The following CBX6 variants were observed in gnomAD, a reference collection of about 807,000 sequenced individuals.
The protein encoded by CBX6 is chromobox 6.
CBX6 carries 7 observed loss-of-function variants against 28.4 expected under a neutral mutation model. The ratio of observed to expected loss-of-function variants is 0.25; its 90% confidence interval spans 0.14 to 0.46. The LOEUF is 0.46. Ranked by LOEUF, CBX6 falls within the 20% of genes least tolerant of loss-of-function variation. The probability of loss-of-function intolerance (pLI) is 0.99; values close to 1 mark genes in which losing one functional copy is unlikely to be tolerated. For synonymous variants in CBX6, 297 were observed against 273.4 expected (o/e 1.09, Z -0.85); for missense variants, 512 against 606.1 (o/e 0.84, Z 1.63).
Position 38,872,159 on chromosome 22 carries a change from A to G in CBX6, c.32T>C (p.Phe11Ser). 1 of 1,423,878 alleles carries G rather than the reference A, an allele frequency of 7.0e-7. No homozygotes were observed. The highest frequency in any genetic ancestry group is 9.3e-7 in the Non-Finnish European group (1 of 1,072,964). The allele number at this position is 1,423,878 out of a possible 1,614,324, so 88.2% of individuals were successfully genotyped here. MELSAVGERV[F>S]AAESIIKRRI... The stretch of plus-strand genomic sequence containing the variant: ...CCGTTTGATGATGGATTCGGCCGCG[A>G]AGACCCGCTCGCCCACTGCAGACAG... Residue 11 changes from phenylalanine to serine, a missense_variant, in exon 1 of 5, where the codon TTC (phenylalanine) becomes TCC (serine). Transcript: ENST00000407418. The surrounding 1 kb of genome is among the most constrained non-coding windows in gnomAD (Gnocchi z 5.0).
Position 38,870,897 on chromosome 22 carries a change from G to A in CBX6, c.246+583C>T, listed in dbSNP as rs902670979. ...CCCCAGAAATGGCCGGGAGTGGGGGGAAACTGAGGCTCAGAGCCCTAAAGT... is the reference window on the plus strand; with the variant it reads ...CCCCAGAAATGGCCGGGAGTGGGGGAAAACTGAGGCTCAGAGCCCTAAAGT... On this transcript the variant is annotated intron_variant, in intron 4 of 4. Transcript: ENST00000407418. The surrounding 1 kb of genome is among the most constrained non-coding windows in gnomAD (Gnocchi z 4.3). 4 of 154,428 alleles carry A rather than the reference G, an allele frequency of 2.6e-5. No homozygotes were observed. The highest frequency in any genetic ancestry group is 9.6e-5 in the African/African-American group (4 of 41,464). 9.6% of individuals were successfully genotyped at this position (154,428 alleles called of 1,614,324 possible).
chr22:38,871,490 A>G lies in CBX6; in HGVS notation c.236T>C (p.Phe79Ser). 1.2e-6 allele frequency: 2 copies of G among 1,611,128 alleles called. No homozygotes were observed. Among genetic ancestry groups the G allele is most frequent in the Non-Finnish European group, 1.7e-6 (2 of 1,178,894 alleles). Reference protein sequence around the residue: ...PKKRGPKPKTFLLKARAQAEA... With the variant: ...PKKRGPKPKTSLLKARAQAEA... ...GCTGGGCCAGGTTACCTTCAGGAGG[A>G]AAGTTTTGGGTTTGGGTCCCCTCTT... Residue 79 changes from phenylalanine (F) to serine (S), a missense_variant, in exon 4 of 5, where the codon TTC becomes TCC. Transcript: ENST00000407418. The surrounding 1 kb of genome is among the most constrained non-coding windows in gnomAD (Gnocchi z 5.6).
Position 38,871,217 on chromosome 22 carries a change from G to T in CBX6, c.246+263C>A. 1.8e-6 allele frequency: 1 copy of T among 566,442 alleles called. No individual in the cohort carries two copies. Among genetic ancestry groups the T allele is most frequent in the Non-Finnish European group, 3.1e-6 (1 of 320,864 alleles). The allele number at this position is 566,442 out of a possible 1,614,324, so 35.1% of individuals were successfully genotyped here. On this transcript the variant is annotated intron_variant, in intron 4 of 4. Transcript: ENST00000407418. This position sits in a 1 kb window ranked among gnomAD's most constrained non-coding sequence, Gnocchi z 5.6. Reference sequence around the variant, plus strand: ...TGCCTCAGCCACCCCCTTTCCTGGAGCCCTAAAGGCATCCCCAGCCCCTGG... The same window carrying T: ...TGCCTCAGCCACCCCCTTTCCTGGATCCCTAAAGGCATCCCCAGCCCCTGG...
chr22:38,866,726 G>A lies in CBX6; in HGVS notation c.722C>T (p.Pro241Leu). The A allele has an allele frequency of 6.3e-7, 1 of 1,589,664 alleles. No individual in the cohort carries two copies. Among genetic ancestry groups the A allele is most frequent in the Non-Finnish European group, 8.6e-7 (1 of 1,167,714 alleles). The change falls in exon 5 of 5, where the codon CCC becomes CTC. Residue 241 changes from proline (P) to leucine (L), a missense_variant. By Grantham distance (98) the Pro-to-Leu change is moderately conservative. Transcript: ENST00000407418. This position sits in a 1 kb window ranked among gnomAD's most constrained non-coding sequence, Gnocchi z 7.5. ...AFALYKPPPA[P>L]LVAPSPGKAE... ...CTTGCCGGGGGACGGGGCTACCAGG[G>A]GGGCGGGCGGAGGCTTGTACAGCGC...
chr22:38,869,644 A>G (rs973882649), intron 4 of CBX6: 2 of 152,154 alleles, frequency 1.3e-5, no homozygotes, highest in Middle Eastern at 6.3e-3. Context: ...TGCCTGATGA[A>G]TTAAAAATAA....
Position 38,866,896 on chromosome 22 carries a change from G to A in CBX6, c.552C>T (p.Gly184=). Residue 184 remains glycine (G), a synonymous_variant, in exon 5 of 5, where the codon GGC becomes GGT. Coordinates refer to ENST00000407418, the MANE Select transcript of CBX6 (RefSeq NM_014292.5). The surrounding 1 kb of genome is among the most constrained non-coding windows in gnomAD (Gnocchi z 7.5). ...IILNLKVIDK[G]AGGGGAGQGA... ...CCTGCCCGGCGCCCCCGCCGCCAGC[G>A]CCCTTGTCGATCACCTTCAGGTTCA... The A allele has an allele frequency of 1.3e-6, 2 of 1,597,260 alleles. No homozygotes were observed. Among genetic ancestry groups the A allele is most frequent in the Non-Finnish European group, 1.7e-6 (2 of 1,173,338 alleles).
In CBX6 at chr22:38,871,447, G is replaced by A; in HGVS notation, c.246+33C>T. On this transcript the variant is annotated intron_variant, in intron 4 of 4. Transcript: ENST00000407418. This position sits in a 1 kb window ranked among gnomAD's most constrained non-coding sequence, Gnocchi z 5.6. ...TGCTGTGCCGGGGCTGGGGGCCCGA[G>A]AGGGGGATGCTGCTGGGGCTGGGCC... The A allele has an allele frequency of 6.3e-7, 1 of 1,583,366 alleles. No individual in the cohort carries two copies. The highest frequency in any genetic ancestry group is 8.6e-7 in the Non-Finnish European group (1 of 1,164,294).
At position 38,871,859 on chromosome 22, in the gene CBX6, C is replaced by G; in HGVS notation, c.113+43G>C. The G allele has an allele frequency of 6.5e-7, 1 of 1,539,898 alleles. No homozygotes were observed. The highest frequency in any genetic ancestry group is 8.8e-7 in the Non-Finnish European group (1 of 1,138,720). ...CCCCCACCCCAGGCCCCGGTGCCCG[C>G]TGCCTCCCCTCCCGCGACGCCCCCG... On this transcript the variant is annotated intron_variant, in intron 2 of 4. Coordinates refer to ENST00000407418, the MANE Select transcript of CBX6 (RefSeq NM_014292.5). The surrounding 1 kb of genome is among the most constrained non-coding windows in gnomAD (Gnocchi z 5.6).
At chr22:38,868,134 C>A (rs1478000382) in intron 4 of CBX6, among the ~76,000 whole-genome samples, 2 of 152,220 alleles carry the variant, frequency 1.3e-5, no homozygotes, top group African/African-American at 4.8e-5. Flanking sequence ...TCAGATGCCA[C>A]TAAATGGAGA....
At chr22:38,869,419 T>C (rs1022047644) in intron 4 of CBX6, among the ~76,000 whole-genome samples, 10 of 152,110 alleles carry the variant, frequency 6.6e-5, no homozygotes, top group African/African-American at 2.4e-4. Flanking sequence ...AGAGAGTACA[T>C]GGCACCTGCT....
At position 38,872,160 on chromosome 22, in the gene CBX6, A is replaced by T; in HGVS notation, c.31T>A (p.Phe11Ile). The T allele has an allele frequency of 7.0e-7, 1 of 1,422,920 alleles. No individual in the cohort carries two copies. The highest frequency in any genetic ancestry group is 2.3e-5 in the Admixed American group (1 of 43,404). The allele number at this position is 1,422,920 out of a possible 1,614,324, so 88.1% of individuals were successfully genotyped here. MELSAVGERV[F>I]AAESIIKRRI... ...CGTTTGATGATGGATTCGGCCGCGA[A>T]GACCCGCTCGCCCACTGCAGACAGC... The change falls in exon 1 of 5, where the codon TTC (phenylalanine) becomes ATC (isoleucine). Residue 11 changes from phenylalanine (F) to isoleucine (I), a missense_variant. Physicochemically the swap from Phe to Ile is conservative, Grantham distance 21. Coordinates refer to ENST00000407418, the MANE Select transcript of CBX6 (RefSeq NM_014292.5). This position sits in a 1 kb window ranked among gnomAD's most constrained non-coding sequence, Gnocchi z 5.0.
Position 38,870,774 on chromosome 22 carries a change from A to G in CBX6, c.246+706T>C, listed in dbSNP as rs555230888. The G allele has an allele frequency of 3.3e-5, 5 of 152,340 alleles. No homozygotes were observed. Among genetic ancestry groups the G allele is most frequent in the African/African-American group, 9.6e-5 (4 of 41,542 alleles). 9.4% of individuals were successfully genotyped at this position (152,340 alleles called of 1,614,324 possible). A position where few individuals can be genotyped will look rare whatever the true frequency, so the allele number is the denominator to read the frequency against. Reference sequence around the variant, plus strand: ...AGACTCTGTTTTTCCTTGTCAAAATAAAATAAAAACCCAAATCCTCCAAGA... The same window carrying G: ...AGACTCTGTTTTTCCTTGTCAAAATGAAATAAAAACCCAAATCCTCCAAGA... On this transcript the variant is annotated intron_variant, in intron 4 of 4. Coordinates refer to ENST00000407418, the MANE Select transcript of CBX6 (RefSeq NM_014292.5). The surrounding 1 kb of genome is among the most constrained non-coding windows in gnomAD (Gnocchi z 4.3).
Position 38,866,638 on chromosome 22 carries a change from G to T in CBX6, c.810C>A (p.Ala270=). ...GGCAGCCGGAGGAGCCAGAGCTGCG[G>T]GCGTCGTAGGGGGCGGCGGGGGCGG... is the stretch of plus-strand genomic sequence containing the variant. ...LLAAPAAPYD[A]RSSGSSGCPS... Residue 270 remains alanine (A), a synonymous_variant, in exon 5 of 5, where the codon GCC becomes GCA. Coordinates refer to ENST00000407418, the MANE Select transcript of CBX6 (RefSeq NM_014292.5). The surrounding 1 kb of genome is among the most constrained non-coding windows in gnomAD (Gnocchi z 7.5). 2 of 1,530,104 alleles carry T rather than the reference G, an allele frequency of 1.3e-6. No individual in the cohort carries two copies. The highest frequency in any genetic ancestry group is 2.5e-5 in the South Asian group (2 of 81,202). 94.8% of individuals were successfully genotyped at this position (1,530,104 alleles called of 1,614,324 possible). A position where few individuals can be genotyped will look rare whatever the true frequency, so the allele number is the denominator to read the frequency against.
chr22:38,871,992 C>CG lies in CBX6; in HGVS notation c.70-48dup. 7.4e-7 allele frequency: 1 copy of CG among 1,354,144 alleles called. No homozygotes were observed. The highest frequency in any genetic ancestry group is 9.9e-7 in the Non-Finnish European group (1 of 1,012,026). The allele number at this position is 1,354,144 out of a possible 1,614,324, so 83.9% of individuals were successfully genotyped here. A position where few individuals can be genotyped will look rare whatever the true frequency, so the allele number is the denominator to read the frequency against. ...AACGGGGGTGGGGGTGGGGAGGATG[C>CG]GGGGACGCGAGGAGGCGGCGGCGCG... On this transcript the variant is annotated intron_variant, in intron 1 of 4. Transcript: ENST00000407418. This position sits in a 1 kb window ranked among gnomAD's most constrained non-coding sequence, Gnocchi z 5.6.
At position 38,865,593 on chromosome 22, in the gene CBX6, G is replaced by A. The variant is rs997918769; in HGVS notation, c.*616C>T. On this transcript the variant is annotated 3_prime_UTR_variant, in exon 5 of 5. Transcript: ENST00000407418. The stretch of plus-strand genomic sequence containing the variant: ...GCCAGTTCCTCCCACCGTTGAGGGG[G>A]TTAGGAAAGAGCCAGGGCTGGGGCA... The A allele has an allele frequency of 2.0e-5, 3 of 153,252 alleles. No homozygotes were observed. Among genetic ancestry groups the A allele is most frequent in the Admixed American group, 1.3e-4 (2 of 15,334 alleles). The allele number at this position is 153,252 out of a possible 1,614,324, so 9.5% of individuals were successfully genotyped here. A position where few individuals can be genotyped will look rare whatever the true frequency, so the allele number is the denominator to read the frequency against.
In CBX6 at chr22:38,866,131, GGCAAGGGTGGGGTGGGA is replaced by G; in HGVS notation, c.*61_*77del. On this transcript the variant is annotated 3_prime_UTR_variant, in exon 5 of 5. Coordinates refer to ENST00000407418, the MANE Select transcript of CBX6 (RefSeq NM_014292.5). This position sits in a 1 kb window ranked among gnomAD's most constrained non-coding sequence, Gnocchi z 7.5. ...CAAAGCACAGGGAGAGAGGGCTGGG[GGCAAGGGTGGGGTGGGA>G]GCAAGAGTATGACTTCGGGCAGGAG... 1.9e-6 allele frequency: 2 copies of G among 1,044,886 alleles called. No homozygotes were observed. Among genetic ancestry groups the G allele is most frequent in the Non-Finnish European group, 2.8e-6 (2 of 718,802 alleles). 64.7% of individuals were successfully genotyped at this position (1,044,886 alleles called of 1,614,324 possible).
In CBX6 at chr22:38,867,145, C is replaced by G. The variant is rs774345542; in HGVS notation, c.303G>C (p.Pro101=). ...GCTTGGGCGAGGAGGCACTGGCGCTCGGCTTGACAGAGAAATGCACATCAC... is the reference window on the plus strand; with the variant it reads ...GCTTGGGCGAGGAGGCACTGGCGCTGGGCTTGACAGAGAAATGCACATCAC... ...RISDVHFSVK[P]SASASSPKLH... is the part of the protein sequence containing the mutation. Residue 101 remains proline (P), a synonymous_variant, in exon 5 of 5, where the codon CCG becomes CCC. Coordinates refer to ENST00000407418, the MANE Select transcript of CBX6 (RefSeq NM_014292.5). The G allele has an allele frequency of 1.2e-5, 17 of 1,363,096 alleles. No homozygotes were observed. The South Asian group carries it at 1.9e-4, about 15-fold the overall frequency. 84.4% of individuals were successfully genotyped at this position (1,363,096 alleles called of 1,614,324 possible).
Position 38,866,767 on chromosome 22 carries a change from C to T in CBX6, c.681G>A (p.Met227Ile), listed in dbSNP as rs374693287. 2.9e-5 allele frequency: 46 copies of T among 1,611,546 alleles called. No homozygotes were observed. Among genetic ancestry groups the T allele is most frequent in the Non-Finnish European group, 3.6e-5 (43 of 1,178,892 alleles). ...TGTACAGCGCAAAGGCGCCGAACTT[C>T]ATGTGGCGGATCTGTGTACGCAGGA... ...ESVLRTQIRH[M>I]KFGAFALYKP... The change falls in exon 5 of 5, where the codon ATG becomes ATA. Residue 227 changes from methionine (M) to isoleucine (I), a missense_variant. Met to Ile is a conservative substitution (Grantham distance 10). This residue lies in a region of CBX6 where 290 missense variants were observed against 274.1 expected (regional missense o/e 1.06). Transcript: ENST00000407418. This position sits in a 1 kb window ranked among gnomAD's most constrained non-coding sequence, Gnocchi z 7.5.
Position 38,866,548 on chromosome 22 carries a change from C to T in CBX6, c.900G>A (p.Val300=). ...DTPPKLLPET[V]SPSAPSWREP... ...CGCGCCAGCTGGGGGCGGATGGGCT[C>T]ACGGTCTCGGGGAGGAGCTTGGGGG... Residue 300 remains valine, a synonymous_variant, in exon 5 of 5, where the codon GTG becomes GTA. Coordinates refer to ENST00000407418, the MANE Select transcript of CBX6 (RefSeq NM_014292.5). The surrounding 1 kb of genome is among the most constrained non-coding windows in gnomAD (Gnocchi z 7.5). The T allele has an allele frequency of 6.3e-7, 1 of 1,579,476 alleles. No individual in the cohort carries two copies. The highest frequency in any genetic ancestry group is 1.1e-5 in the South Asian group (1 of 89,038).
Sources: gnomAD v4.1 joint callset for allele counts (sites outside exome capture counted in the v4.1 genomes callset) on GRCh38, gnomAD v4.1.1 for gene constraint, gnomAD v4.1.1 regional missense constraint, Gnocchi (gnomAD v3.1) non-coding constraint, MANE v1.5 for transcripts, NCBI Gene and HGNC (gene_info 2026-07-23, HGNC 2026-07-21) for gene names.